The following TERF2 variants were observed in gnomAD, a reference collection of about 807,000 sequenced individuals.
The protein encoded by TERF2 is telomeric repeat-binding factor 2.
Under a neutral mutation model 56.1 loss-of-function variants are expected in TERF2, and 16 were observed. That is an observed-to-expected ratio of 0.29 (90% CI 0.19 to 0.43). The LOEUF (loss-of-function observed/expected upper bound fraction) is 0.43. TERF2 is among the 20% of genes least tolerant of loss of function. The probability of loss-of-function intolerance (pLI) is 1.00; values close to 1 mark genes in which losing one functional copy is unlikely to be tolerated. For missense variants in TERF2, 547 were observed against 712.9 expected, an observed-to-expected ratio of 0.77 and a Z score of 2.65; for synonymous variants, 296 against 282.1, an observed-to-expected ratio of 1.05 and a Z score of -0.50.
chr16:69,372,271 G>C lies in TERF2; in HGVS notation c.691C>G (p.Gln231Glu). ...GAGCAAAAATGTATCAAATTTACCT[G>C]AGTTGTGGGGTCCTTGGACATATGT... Reference protein sequence around the residue: ...KKHMSKDPTTQKLRNDLLNII... With the variant: ...KKHMSKDPTTEKLRNDLLNII... Residue 231 changes from glutamine (Q) to glutamate (E), a missense_variant and splice_region_variant, in exon 4 of 10, where the codon CAG becomes GAG. Transcript: ENST00000254942. The C allele has an allele frequency of 6.3e-7, 1 of 1,598,256 alleles. No individual in the cohort carries two copies. Among genetic ancestry groups the C allele is most frequent in the East Asian group, 2.2e-5 (1 of 44,610 alleles).
intron 3 of TERF2, among the ~76,000 whole-genome samples, chr16:69,380,572 G>A (rs891736041): frequency 6.6e-6 from 1 of 150,720 alleles, no homozygotes. Flanking sequence ...GTGTAGAACT[G>A]CTTGAACCCA....
intron 3 of TERF2, among the ~76,000 whole-genome samples, 179 bp from the exon 4 acceptor site, chr16:69,372,534 G>A (rs780167393): frequency 3.3e-5 from 5 of 152,078 alleles, no homozygotes; most frequent in African/African-American, 1.2e-4. Flanking sequence ...AGGCCAAGGC[G>A]GGTGGATCAC....
intron 4 of TERF2, 98 bp from the exon 5 acceptor site, chr16:69,370,727 T>A: frequency 8.4e-7 from 1 of 1,195,600 alleles, no homozygotes; most frequent in Non-Finnish European, 1.2e-6. Context: ...ACTTCTGCAA[T>A]GCCGTCAATG....
intron 7 of TERF2, chr16:69,364,880 T>C (rs1373091405): frequency 1.3e-5 from 2 of 152,262 alleles, no homozygotes; most frequent in Non-Finnish European, 2.9e-5. Context: ...TATTTTCACT[T>C]TGCAAGCCTG....
chr16:69,357,527 T>G lies in TERF2; in HGVS notation c.1461A>C (p.Thr487=). The G allele has an allele frequency of 6.2e-7, 1 of 1,613,028 alleles. No individual in the cohort carries two copies. The highest frequency in any genetic ancestry group is 1.1e-5 in the South Asian group (1 of 90,646). Residue 487 remains threonine, a synonymous_variant, in exon 9 of 10, where the codon ACA becomes ACC. Transcript: ENST00000254942. ...GAGAATTTTAAATTACCTGCTTTTTTGTTATATTGGTTGTACTGTCTTCAT... is the reference window on the plus strand; with the variant it reads ...GAGAATTTTAAATTACCTGCTTTTTGGTTATATTGGTTGTACTGTCTTCAT... ...APDEDSTTNI[T]KKQKWTVEES... is the part of the protein sequence containing the mutation.
intron 3 of TERF2, among the ~76,000 whole-genome samples, chr16:69,374,484 T>C (rs577682291): frequency 1.3e-5 from 2 of 151,264 alleles, no homozygotes; most frequent in South Asian, 2.1e-4. Context: ...TAGCCAGGCA[T>C]GGTGGCGTGT....
intron 4 of TERF2, among the ~76,000 whole-genome samples, chr16:69,371,909 T>C (rs1420196433): frequency 6.6e-6 from 1 of 152,188 alleles, no homozygotes; most frequent in African/African-American, 2.4e-5. Context: ...AGGTGCTATG[T>C]CCTCACCAAA....
At chr16:69,372,400 G>A in intron 3 of TERF2, 45 bp from the exon 4 acceptor site, 1 of 1,269,036 alleles carries the variant, frequency 7.9e-7, no homozygotes, top group Non-Finnish European at 1.1e-6. Flanking sequence ...GTAATGACAG[G>A]TGTAATCAGA....
intron 3 of TERF2, among the ~76,000 whole-genome samples, chr16:69,372,975 C>G (rs2013633136): frequency 6.6e-6 from 1 of 152,054 alleles, no homozygotes; most frequent in South Asian, 2.1e-4. Context: ...ATTCTACGTC[C>G]TGTAATTTCA....
chr16:69,363,619 C>T (rs893504543), intron 7 of TERF2, among the ~76,000 whole-genome samples: 8 of 152,198 alleles, frequency 5.3e-5, no homozygotes, highest in African/African-American at 1.9e-4. Flanking sequence ...GGCTTGTGTA[C>T]CATGAAGCTT....
intron 8 of TERF2, among the ~76,000 whole-genome samples, chr16:69,358,284 A>G (rs1288054437): frequency 6.6e-6 from 1 of 152,116 alleles, no homozygotes; most frequent in Non-Finnish European, 1.5e-5. Flanking sequence ...AAGTGCTGGG[A>G]TTACAGGCAT....
intron 5 of TERF2, 110 bp from the exon 6 acceptor site, chr16:69,368,592 C>T (rs1230006604): frequency 1.3e-6 from 2 of 1,551,600 alleles, no homozygotes; most frequent in Non-Finnish European, 1.7e-6. Context: ...CTTACAAATC[C>T]AATCTAGGCA....
In TERF2 at chr16:69,356,634, A is replaced by G; in HGVS notation, c.*264T>C. On this transcript the variant is annotated 3_prime_UTR_variant, in exon 10 of 10. Coordinates refer to ENST00000254942, the MANE Select transcript of TERF2 (RefSeq NM_005652.5). The stretch of plus-strand genomic sequence containing the variant: ...GCTAACACGGTGAAACCCCGTCTCT[A>G]CTAAAAATACAAAACATTAGCCGGG... 3.2e-6 allele frequency: 1 copy of G among 317,252 alleles called. No homozygotes were observed. Among genetic ancestry groups the G allele is most frequent in the South Asian group, 4.0e-5 (1 of 25,298 alleles). The allele number at this position is 317,252 out of a possible 1,614,324, so 19.7% of individuals were successfully genotyped here.
At chr16:69,360,676 C>T (rs1171378910) in intron 8 of TERF2, among the ~76,000 whole-genome samples, 1 of 146,568 alleles carries the variant, frequency 6.8e-6, no homozygotes, top group African/African-American at 2.5e-5. Context: ...CCACTGCATT[C>T]CACCTTGGAT....
At chr16:69,382,184 G>A (rs1267036512) in intron 3 of TERF2, among the ~76,000 whole-genome samples, 1 of 152,188 alleles carries the variant, frequency 6.6e-6, no homozygotes, top group Admixed American at 6.5e-5. Flanking sequence ...GAGATCCCTA[G>A]ACCATGCACT....
chr16:69,375,920 T>C (rs35808095), intron 3 of TERF2, among the ~76,000 whole-genome samples: 16,410 of 152,262 alleles, frequency 0.11, 1,155 homozygotes, highest in Middle Eastern at 0.22. Context: ...TAGGGTTGTA[T>C]AGACTTGTTT....
chr16:69,376,979 T>C (rs1051411579), intron 3 of TERF2, among the ~76,000 whole-genome samples: 3 of 151,776 alleles, frequency 2.0e-5, no homozygotes. Flanking sequence ...CGCAGGCGGA[T>C]TGCCTGAGGT....
At chr16:69,384,516 T>C in intron 3 of TERF2, 64 bp downstream of exon 3, 1 of 1,559,962 alleles carries the variant, frequency 6.4e-7, no homozygotes, top group South Asian at 1.2e-5. Context: ...AAAGAGTAAG[T>C]GCTGTATCCT....
chr16:69,383,342 T>C (rs532925439), intron 3 of TERF2, among the ~76,000 whole-genome samples: 27 of 152,286 alleles, frequency 1.8e-4, no homozygotes, highest in South Asian at 1.0e-3. Context: ...AAATCTGAAA[T>C]CCAAAATGCT....
Sources: allele counts gnomAD v4.1 joint callset (sites outside exome capture counted in the v4.1 genomes callset), GRCh38; gene constraint gnomAD v4.1.1; transcripts MANE v1.5; gene names NCBI Gene and HGNC (gene_info 2026-07-23, HGNC 2026-07-21).